The following SLC44A3 variants were observed in gnomAD, a reference collection of about 807,000 sequenced individuals.
SLC44A3 encodes choline transporter-like protein 3.
SLC44A3 carries 74 observed loss-of-function variants against 75.4 expected under a neutral mutation model. The ratio of observed to expected loss-of-function variants is 0.98; its 90% confidence interval spans 0.81 to 1.19. The LOEUF (loss-of-function observed/expected upper bound fraction) is 1.19. SLC44A3 is among the 50% of genes most tolerant of loss of function. The pLI is 0.00. For missense variants in SLC44A3, 700 were observed against 778.6 expected (o/e 0.90, Z 1.20); for synonymous variants, 310 against 296.9 (o/e 1.04, Z -0.45).
At chr1:94,857,830 T>A (rs1444679437) in intron 10 of SLC44A3, among the ~76,000 whole-genome samples, 1 of 147,214 alleles carries the variant, frequency 6.8e-6, no homozygotes, top group Non-Finnish European at 1.5e-5. Flanking sequence ...TTTTTTTTTT[T>A]TGAGATGGAG....
intron 6 of SLC44A3, among the ~76,000 whole-genome samples, chr1:94,839,590 G>A (rs2101040837): frequency 6.6e-6 from 1 of 152,064 alleles, no homozygotes; most frequent in East Asian, 1.9e-4. Context: ...GGTTTTGCCA[G>A]GTTGGCCAGG....
chr1:94,894,776 C>T, intron 14 of SLC44A3, 42 bp from the exon 15 acceptor site: 1 of 1,534,062 alleles, frequency 6.5e-7, no homozygotes, highest in Non-Finnish European at 8.9e-7. Context: ...ATCAACAGTA[C>T]AGACACATAA....
intron 2 of SLC44A3, 108 bp from the exon 3 acceptor site, chr1:94,824,385 G>A (rs1185145086): frequency 6.7e-6 from 9 of 1,334,450 alleles, no homozygotes; most frequent in Non-Finnish European, 9.0e-6. Context: ...TGATGCTGGA[G>A]AGCTTCACGT....
At chr1:94,878,658 T>G (rs1668596176) in intron 12 of SLC44A3, among the ~76,000 whole-genome samples, 1 of 152,074 alleles carries the variant, frequency 6.6e-6, no homozygotes, top group Admixed American at 6.5e-5. Flanking sequence ...AGAAAGAAAA[T>G]ATCTGTCACG....
chr1:94,852,381 T>C (rs983401233), intron 9 of SLC44A3, among the ~76,000 whole-genome samples: 7 of 152,016 alleles, frequency 4.6e-5, no homozygotes, highest in African/African-American at 1.2e-4. Flanking sequence ...AGTAGGTGAG[T>C]GCAGAGCCAT....
intron 10 of SLC44A3, among the ~76,000 whole-genome samples, chr1:94,862,635 G>A (rs1666709355): frequency 6.6e-6 from 1 of 152,124 alleles, no homozygotes; most frequent in Admixed American, 6.5e-5. Context: ...GGCTTCATGG[G>A]GCATATGCTA....
chr1:94,824,122 G>T (rs1012930643), intron 2 of SLC44A3, among the ~76,000 whole-genome samples: 2 of 151,356 alleles, frequency 1.3e-5, no homozygotes, highest in Admixed American at 1.3e-4. Flanking sequence ...GAAAGAATTA[G>T]CATAGCCCTG....
intron 10 of SLC44A3, among the ~76,000 whole-genome samples, chr1:94,859,686 GGGTATCAGGTACAGCTGAGGCT>G (rs1381706095): frequency 1.3e-5 from 2 of 152,172 alleles, no homozygotes; most frequent in Admixed American, 1.3e-4. Flanking sequence ...CCTGGACTTG[GGGTATCAGGTACAGCTGAGGCT>G]GGGGGCAAGT....
intron 9 of SLC44A3, among the ~76,000 whole-genome samples, chr1:94,854,196 A>T (rs901005926): frequency 6.6e-6 from 1 of 152,230 alleles, no homozygotes; most frequent in Non-Finnish European, 1.5e-5. Flanking sequence ...TTTCAAAAAA[A>T]GTCCCACTAT....
At chr1:94,828,682 A>T (rs1661706139) in intron 5 of SLC44A3, 96 bp downstream of exon 5, 1 of 1,084,890 alleles carries the variant, frequency 9.2e-7, no homozygotes, top group East Asian at 2.4e-5. Context: ...GGAAGGAGAT[A>T]TCAGAAGAGC....
intron 11 of SLC44A3, 64 bp from the exon 12 acceptor site, chr1:94,867,267 T>G (rs1667271735): frequency 1.4e-5 from 20 of 1,393,998 alleles, no homozygotes; most frequent in Non-Finnish European, 1.8e-5. Flanking sequence ...CCTCAGAAAC[T>G]GCCTGCTTTT....
At chr1:94,823,643 AG>A (rs1660913017) in intron 2 of SLC44A3, among the ~76,000 whole-genome samples, 1 of 152,254 alleles carries the variant, frequency 6.6e-6, no homozygotes. Flanking sequence ...ATTTGAATTT[AG>A]GACAATGTAC....
intron 12 of SLC44A3, among the ~76,000 whole-genome samples, chr1:94,890,345 A>T (rs967354933): frequency 6.6e-6 from 1 of 152,102 alleles, no homozygotes; most frequent in Non-Finnish European, 1.5e-5. Context: ...TGGGTCCTCT[A>T]TAAAATTTTC....
At chr1:94,852,496 C>T (rs1159472558) in intron 9 of SLC44A3, among the ~76,000 whole-genome samples, 3 of 152,028 alleles carry the variant, frequency 2.0e-5, no homozygotes, top group Admixed American at 6.6e-5. Context: ...GTGGAGTGGG[C>T]GAGGGAGAGC....
intron 5 of SLC44A3, among the ~76,000 whole-genome samples, chr1:94,835,700 G>A (rs1201728486): frequency 6.6e-6 from 1 of 152,142 alleles, no homozygotes; most frequent in Non-Finnish European, 1.5e-5. Context: ...GGTGGAGTCT[G>A]GCGTCTCATT....
chr1:94,824,585 C>T lies in SLC44A3; in HGVS notation c.228C>T (p.Asn76=), dbSNP rs766211094. The T allele has an allele frequency of 2.5e-6, 4 of 1,611,276 alleles. No homozygotes were observed. In the East Asian group the frequency reaches 9.0e-5, roughly 36 times the overall value. ...DSFGNMCGKK[N]SPVEGAPLSG... is the part of the protein sequence containing the mutation. ...TTGGCAACATGTGTGGCAAGAAGAA[C>T]TCCCCCGTGGAAGGGGCCCCTCTTT... The change falls in exon 3 of 15, where the codon AAC becomes AAT. Residue 76 remains asparagine (N), a synonymous_variant. Transcript: ENST00000271227.
rs1187650624 is a variant in SLC44A3 at position 94,892,287 on chromosome 1, G to A, written c.1627G>A (p.Val543Met). The A allele has an allele frequency of 5.6e-6, 9 of 1,613,696 alleles. No individual in the cohort carries two copies. Among genetic ancestry groups the A allele is most frequent in the African/African-American group, 1.3e-5 (1 of 74,888 alleles). The change falls in exon 14 of 15, where the codon GTG (valine) becomes ATG (methionine). Residue 543 changes from valine to methionine, a missense_variant. Physicochemically the swap from Val to Met is conservative, Grantham distance 21 (BLOSUM62 1). Coordinates refer to ENST00000271227, the MANE Select transcript of SLC44A3 (RefSeq NM_001114106.3). ...DFIIFLGKVLVVCFTVFGGLM... is the reference protein window; with the variant it reads ...DFIIFLGKVLMVCFTVFGGLM... ...AAACTCTTCTTTTGCACAGGTGTTA[G>A]TGGTGTGTTTCACTGTTTTTGGAGG...
chr1:94,822,866 G>C (rs12057459), intron 2 of SLC44A3, among the ~76,000 whole-genome samples: 2,310 of 152,166 alleles, frequency 0.015, 55 homozygotes, highest in African/African-American at 0.053. Flanking sequence ...ATATAGAATC[G>C]CAATTGCATG....
At chr1:94,873,531 G>A (rs1287554010) in intron 12 of SLC44A3, among the ~76,000 whole-genome samples, 2 of 152,130 alleles carry the variant, frequency 1.3e-5, no homozygotes, top group Non-Finnish European at 2.9e-5. Context: ...AACCTGCTCT[G>A]CCTGCCAAGA....
Sources: gnomAD v4.1 joint callset for allele counts (sites outside exome capture counted in the v4.1 genomes callset) on GRCh38, gnomAD v4.1.1 for gene constraint, MANE v1.5 for transcripts, NCBI Gene and HGNC (gene_info 2026-07-23, HGNC 2026-07-21) for gene names.